CCAR1: variants seen among roughly 807,000 people sequenced by gnomAD.
The protein encoded by CCAR1 is cell division cycle and apoptosis regulator 1.
A neutral mutation model predicts 163.8 loss-of-function variants in CCAR1; 78 were observed. The observed-to-expected ratio is 0.48, with a 90% CI of 0.40 to 0.57. The LOEUF is 0.57. Among genes scored for constraint, CCAR1 ranks in the 20% least tolerant of loss-of-function variants. The pLI is 0.00. For missense variants in CCAR1, 1,019 were observed against 1,365.2 expected, an observed-to-expected ratio of 0.75 and a Z score of 4.00; for synonymous variants, 443 against 460.7, an observed-to-expected ratio of 0.96 and a Z score of 0.49.
At chr10:68,745,116 C>G (rs1430307899) in intron 6 of CCAR1, among the ~76,000 whole-genome samples, 1 of 152,118 alleles carries the variant, frequency 6.6e-6, no homozygotes, top group African/African-American at 2.4e-5. Context: ...AGTGATTCTC[C>G]TGCCTCAGTC....
At chr10:68,732,931 T>C (rs185688880) in intron 2 of CCAR1, among the ~76,000 whole-genome samples, 1 of 152,066 alleles carries the variant, frequency 6.6e-6, no homozygotes, top group Admixed American at 6.6e-5. Flanking sequence ...TCTGAAAAAA[T>C]AATAATAGAA....
intron 6 of CCAR1, among the ~76,000 whole-genome samples, chr10:68,746,130 G>A (rs1001700550): frequency 6.6e-6 from 1 of 151,402 alleles, no homozygotes; most frequent in African/African-American, 2.4e-5. Context: ...CTGCCACCAC[G>A]CCTGGCTAAT....
chr10:68,721,594 C>G, intron 1 of CCAR1: 1 of 449,406 alleles, frequency 2.2e-6, no homozygotes, highest in South Asian at 1.6e-5. Flanking sequence ...TTTTACCCTC[C>G]TGGCCCCCCG....
intron 2 of CCAR1, among the ~76,000 whole-genome samples, chr10:68,730,167 G>A (rs544231753): frequency 2.0e-3 from 304 of 151,928 alleles, no homozygotes; most frequent in Non-Finnish European, 4.1e-3. Flanking sequence ...TGATCCACCC[G>A]TGTCGTCTTC....
chr10:68,784,948 C>T (rs1220888336), intron 19 of CCAR1, among the ~76,000 whole-genome samples: 3 of 132,702 alleles, frequency 2.3e-5, no homozygotes, highest in East Asian at 4.4e-4. Context: ...GATGGAGTCT[C>T]GCTCTGTCAC....
At chr10:68,762,029 A>G (rs2133379538) in intron 16 of CCAR1, among the ~76,000 whole-genome samples, 1 of 152,242 alleles carries the variant, frequency 6.6e-6, no homozygotes, top group East Asian at 1.9e-4. Flanking sequence ...TGAAGATACA[A>G]AACAGTTCTA....
chr10:68,752,732 GT>G (rs1016376851), intron 10 of CCAR1, among the ~76,000 whole-genome samples: 2 of 152,124 alleles, frequency 1.3e-5, no homozygotes, highest in African/African-American at 4.8e-5. Flanking sequence ...GCCACATGTG[GT>G]AGTGCACCCG....
Position 68,721,415 on chromosome 10 carries a change from C to T in CCAR1, c.-51+133C>T, listed in dbSNP as rs150915825. 2.2e-3 allele frequency: 658 copies of T among 292,602 alleles called. 1 individual carries two copies. The highest frequency in any genetic ancestry group is 0.015 in the African/African-American group (629 of 42,286). The allele number at this position is 292,602 out of a possible 1,614,324, so 18.1% of individuals were successfully genotyped here. On this transcript the variant is annotated intron_variant, in intron 1 of 24. Coordinates refer to ENST00000265872, the MANE Select transcript of CCAR1 (RefSeq NM_018237.4). The stretch of plus-strand genomic sequence containing the variant: ...GGCCCCGGGCGGCGACGGTGGGGCT[C>T]TTGTGGGACTGGGACGGGAGGGACG...
At chr10:68,730,739 C>T (rs530079617) in intron 2 of CCAR1, among the ~76,000 whole-genome samples, 10 of 152,008 alleles carry the variant, frequency 6.6e-5, no homozygotes, top group African/African-American at 1.4e-4. Context: ...TCACACAGGC[C>T]GGAGTACAGT....
intron 6 of CCAR1, among the ~76,000 whole-genome samples, chr10:68,743,669 A>G (rs907537890): frequency 6.6e-6 from 1 of 151,304 alleles, no homozygotes; most frequent in Non-Finnish European, 1.5e-5. Flanking sequence ...CAGCCTCCCA[A>G]GTAGCAGGGA....
chr10:68,726,318 A>AT (rs1231183037), intron 2 of CCAR1, among the ~76,000 whole-genome samples: 1 of 151,848 alleles, frequency 6.6e-6, no homozygotes, highest in Non-Finnish European at 1.5e-5. Context: ...AGCCCGGCTG[A>AT]TTTTTTATAT....
intron 2 of CCAR1, among the ~76,000 whole-genome samples, chr10:68,731,817 C>T (rs2056043697): frequency 6.6e-6 from 1 of 151,962 alleles, no homozygotes; most frequent in African/African-American, 2.4e-5. Context: ...TCTCAAACTC[C>T]TGACCTCAAG....
intron 6 of CCAR1, among the ~76,000 whole-genome samples, chr10:68,742,834 C>CT (rs1228927673): frequency 1.3e-5 from 2 of 152,178 alleles, no homozygotes; most frequent in Admixed American, 6.5e-5. Context: ...CCAGATTGGT[C>CT]TTTAAACTCC....
At chr10:68,744,296 T>C (rs2056224137) in intron 6 of CCAR1, among the ~76,000 whole-genome samples, 1 of 152,180 alleles carries the variant, frequency 6.6e-6, no homozygotes, top group Non-Finnish European at 1.5e-5. Flanking sequence ...ATCTAATCTT[T>C]GTTTGACGTG....
At position 68,773,014 on chromosome 10, in the gene CCAR1, T is replaced by A; in HGVS notation, c.2565T>A (p.Ser855=). 2.0e-6 allele frequency: 3 copies of A among 1,498,944 alleles called. No homozygotes were observed. In the South Asian group the frequency reaches 3.7e-5, roughly 18 times the overall value. The allele number at this position is 1,498,944 out of a possible 1,614,324, so 92.9% of individuals were successfully genotyped here. Reference sequence around the variant, plus strand: ...AAGAAGATAAAAGAAAAGATGATTCTAAAGATGATGATGAAACTGAAGAAG... The same window carrying A: ...AAGAAGATAAAAGAAAAGATGATTCAAAAGATGATGATGAAACTGAAGAAG... The part of the protein sequence containing the change: ...RKKEDKRKDD[S]KDDDETEEDN... Residue 855 remains serine (S), a synonymous_variant, in exon 19 of 25, where the codon TCT becomes TCA. Transcript: ENST00000265872.
chr10:68,722,314 T>C, intron 1 of CCAR1, 141 bp from the exon 2 acceptor site: 7 of 556,738 alleles, frequency 1.3e-5, no homozygotes, highest in African/African-American at 1.9e-5. Flanking sequence ...TCATTTGCCC[T>C]TTTTCTACTT....
chr10:68,729,222 T>C (rs2055996780), intron 2 of CCAR1, among the ~76,000 whole-genome samples: 1 of 152,018 alleles, frequency 6.6e-6, no homozygotes, highest in Non-Finnish European at 1.5e-5. Flanking sequence ...AAAGTATTAT[T>C]TTGTAGCCAG....
At position 68,747,295 on chromosome 10, in the gene CCAR1, A is replaced by G; in HGVS notation, c.633+20A>G. 1.3e-6 allele frequency: 2 copies of G among 1,579,812 alleles called. No individual in the cohort carries two copies. The highest frequency in any genetic ancestry group is 1.7e-6 in the Non-Finnish European group (2 of 1,154,146). Reference sequence around the variant, plus strand: ...AATCAGGTACAGAAAGTATTGAGTTAGGTATTATAGAAGCTTGGTAAATGA... The same window carrying G: ...AATCAGGTACAGAAAGTATTGAGTTGGGTATTATAGAAGCTTGGTAAATGA... On this transcript the variant is annotated intron_variant, in intron 7 of 24. Coordinates refer to ENST00000265872, the MANE Select transcript of CCAR1 (RefSeq NM_018237.4).
chr10:68,730,027 C>T (rs532905156), intron 2 of CCAR1, among the ~76,000 whole-genome samples: 1 of 152,000 alleles, frequency 6.6e-6, no homozygotes, highest in South Asian at 2.1e-4. Context: ...TCAAGCGATT[C>T]TTCTGCCTCA....
Sources: allele counts gnomAD v4.1 joint callset (sites outside exome capture counted in the v4.1 genomes callset), GRCh38; gene constraint gnomAD v4.1.1; transcripts MANE v1.5; gene names NCBI Gene and HGNC (gene_info 2026-07-23, HGNC 2026-07-21).